The following SEMA3E variants were observed in gnomAD, a reference collection of about 807,000 sequenced individuals.
SEMA3E encodes the protein semaphorin 3E.
SEMA3E carries 49 observed loss-of-function variants against 93.6 expected under a neutral mutation model. The observed-to-expected ratio is 0.52, with a 90% CI of 0.42 to 0.66. The LOEUF (loss-of-function observed/expected upper bound fraction) is 0.66. Ranked by LOEUF, SEMA3E falls within the 30% of genes least tolerant of loss-of-function variation. SEMA3E has a pLI of 0.00. For synonymous variants in SEMA3E, 363 were observed against 330.7 expected, an observed-to-expected ratio of 1.10 and a Z score of -1.06; for missense variants, 906 against 964.8, an observed-to-expected ratio of 0.94 and a Z score of 0.81.
intron 11 of SEMA3E, among the ~76,000 whole-genome samples, chr7:83,398,875 CAG>C (rs1009272154): frequency 8.5e-5 from 13 of 152,202 alleles, no homozygotes; most frequent in African/African-American, 3.1e-4. Context: ...GCCCGGGAGG[CAG>C]AGTTTGCAGT....
intron 1 of SEMA3E, among the ~76,000 whole-genome samples, chr7:83,501,027 G>C (rs17445201): frequency 0.31 from 47,836 of 152,066 alleles, 8,082 homozygotes; most frequent in Middle Eastern, 0.48. Context: ...TTAAAAGTCA[G>C]CTTTTCTGGA....
At chr7:83,426,125 A>T (rs759154122) in intron 4 of SEMA3E, among the ~76,000 whole-genome samples, 1 of 152,186 alleles carries the variant, frequency 6.6e-6, no homozygotes, top group Non-Finnish European at 1.5e-5. Flanking sequence ...TGCCAGTGGG[A>T]ATTTGTTTAA....
chr7:83,575,581 CTA>C (rs1792382567), intron 1 of SEMA3E, among the ~76,000 whole-genome samples: 1 of 151,918 alleles, frequency 6.6e-6, no homozygotes, highest in Non-Finnish European at 1.5e-5. Context: ...CACAAAAAAA[CTA>C]TTTGTTTATT....
At chr7:83,508,991 C>T (rs917148452) in intron 1 of SEMA3E, among the ~76,000 whole-genome samples, 1 of 152,204 alleles carries the variant, frequency 6.6e-6, no homozygotes, top group South Asian at 2.1e-4. Context: ...GGCAAGTTTG[C>T]ACACCTGGTG....
intron 16 of SEMA3E, among the ~76,000 whole-genome samples, chr7:83,377,698 T>C (rs1023186759): frequency 6.6e-6 from 1 of 152,014 alleles, no homozygotes; most frequent in Non-Finnish European, 1.5e-5. Flanking sequence ...TAGGTACTAA[T>C]CTTCTGAGCA....
rs368225698 is a variant in SEMA3E, at chr7:83,382,899, G to C, written c.1875+2395C>G. The stretch of plus-strand genomic sequence containing the variant: ...TTTCTAAGTGCTTTCTAACAATTCA[G>C]GTATGTTTCTAAAGATTAATTCAGT... On this transcript the variant is annotated intron_variant, in intron 16 of 16. Transcript: ENST00000643230. Among the ~76,000 whole-genome samples the C allele has an allele frequency of 2.0e-5, 3 of 152,002 alleles. No homozygotes were observed. In the East Asian group the frequency reaches 5.8e-4, roughly 29 times the overall value.
chr7:83,394,465 C>T, intron 12 of SEMA3E, 127 bp from the exon 13 acceptor site: 1 of 758,216 alleles, frequency 1.3e-6, no homozygotes, highest in Non-Finnish European at 2.1e-6. Flanking sequence ...GTATAGCTTT[C>T]ATTTTAGTAA....
At chr7:83,546,350 G>C (rs1162965651) in intron 1 of SEMA3E, among the ~76,000 whole-genome samples, 1 of 144,180 alleles carries the variant, frequency 6.9e-6, no homozygotes, top group Non-Finnish European at 1.5e-5. Flanking sequence ...GTGTGTGTGT[G>C]TGTGTGTGTG....
chr7:83,418,249 A>G (rs1426935154), intron 5 of SEMA3E, 141 bp downstream of exon 5: 6 of 699,316 alleles, frequency 8.6e-6, no homozygotes, highest in South Asian at 3.2e-5. Flanking sequence ...TTGAAATTTA[A>G]TATCATTGCT....
At chr7:83,566,613 C>T (rs1299945500) in intron 1 of SEMA3E, among the ~76,000 whole-genome samples, 1 of 152,108 alleles carries the variant, frequency 6.6e-6, no homozygotes, top group Admixed American at 6.5e-5. Context: ...CGGTAATCTC[C>T]TAGTCTATGT....
intron 16 of SEMA3E, among the ~76,000 whole-genome samples, chr7:83,375,297 A>G (rs1306712636): frequency 6.6e-6 from 1 of 152,164 alleles, no homozygotes; most frequent in Non-Finnish European, 1.5e-5. Flanking sequence ...ATTACTCCTT[A>G]TGATAAGTAC....
chr7:83,470,018 CCTCGTGAT>C (rs1201424720), intron 2 of SEMA3E, among the ~76,000 whole-genome samples: 1 of 151,874 alleles, frequency 6.6e-6, no homozygotes, highest in Admixed American at 6.6e-5. Context: ...GATCTCCTGG[CCTCGTGAT>C]CTGCCTGCCT....
At chr7:83,490,849 A>G (rs1209109171) in intron 1 of SEMA3E, among the ~76,000 whole-genome samples, 1 of 152,112 alleles carries the variant, frequency 6.6e-6, no homozygotes, top group Non-Finnish European at 1.5e-5. Context: ...ATTCGTGCCT[A>G]TGCCAGAAAT....
intron 2 of SEMA3E, among the ~76,000 whole-genome samples, chr7:83,477,482 C>T (rs556074975): frequency 2.0e-5 from 3 of 152,162 alleles, no homozygotes; most frequent in Middle Eastern, 3.4e-3. Context: ...TAACCTGACA[C>T]ACATTATCTG....
At chr7:83,520,183 T>C (rs1390740749) in intron 1 of SEMA3E, among the ~76,000 whole-genome samples, 1 of 152,136 alleles carries the variant, frequency 6.6e-6, no homozygotes, top group Non-Finnish European at 1.5e-5. Flanking sequence ...ATTCATTCAC[T>C]TAAATATTTA....
intron 4 of SEMA3E, among the ~76,000 whole-genome samples, chr7:83,457,668 T>G (rs1257541646): frequency 6.6e-6 from 1 of 152,192 alleles, no homozygotes; most frequent in Non-Finnish European, 1.5e-5. Context: ...TAAATTTCTC[T>G]GCTTTTCATC....
intron 1 of SEMA3E, among the ~76,000 whole-genome samples, chr7:83,580,514 A>T (rs1460267492): frequency 6.6e-6 from 1 of 152,068 alleles, no homozygotes; most frequent in African/African-American, 2.4e-5. Context: ...TCCTAAATTC[A>T]GAATTCAGAC....
intron 1 of SEMA3E, among the ~76,000 whole-genome samples, chr7:83,565,671 G>A (rs535682131): frequency 6.6e-6 from 1 of 152,182 alleles, no homozygotes; most frequent in East Asian, 1.9e-4. Context: ...CTTAAAAATT[G>A]TTTTTTAGAA....
chr7:83,494,758 G>T (rs1790454139), intron 1 of SEMA3E, among the ~76,000 whole-genome samples: 2 of 151,922 alleles, frequency 1.3e-5, no homozygotes, highest in Admixed American at 6.6e-5. Context: ...ATGTCTGTTA[G>T]CTCCCAATTA....
Sources: gnomAD v4.1 joint callset for allele counts (sites outside exome capture counted in the v4.1 genomes callset) on GRCh38, gnomAD v4.1.1 for gene constraint, MANE v1.5 for transcripts, NCBI Gene and HGNC (gene_info 2026-07-23, HGNC 2026-07-21) for gene names.